Variants in CUL2 observed in about 807,000 individuals in gnomAD.
CUL2 encodes cullin-2.
A neutral mutation model predicts 110.2 loss-of-function variants in CUL2; 22 were observed. That is an observed-to-expected ratio of 0.20 (90% CI 0.14 to 0.28). The LOEUF (loss-of-function observed/expected upper bound fraction) is 0.28. Among genes scored for constraint, CUL2 ranks in the 10% least tolerant of loss-of-function variants. The probability of loss-of-function intolerance (pLI) is 1.00; values close to 1 mark genes in which losing one functional copy is unlikely to be tolerated. For synonymous variants in CUL2, 279 were observed against 293.2 expected (o/e 0.95, Z 0.49); for missense variants, 631 against 905.5 (o/e 0.70, Z 3.89).
upstream of CUL2, chr10:35,126,802 C>A (rs1037301240): frequency 3.3e-5 from 5 of 152,320 alleles, no homozygotes; most frequent in Non-Finnish European, 7.3e-5. Context: ...TAGGCCCCGC[C>A]CCCTGACCCG....
intron 6 of CUL2, among the ~76,000 whole-genome samples, chr10:35,046,049 C>T (rs2085930294): frequency 6.6e-6 from 1 of 152,188 alleles, no homozygotes; most frequent in African/African-American, 2.4e-5. Context: ...TACTAGAGTC[C>T]TTCCCTGCCT....
rs780028780 is a variant in CUL2, at chr10:35,110,774, CCT to C, written c.-50-9716_-50-9715del. On this transcript the variant is annotated intron_variant, in intron 1 of 5. Transcript: ENST00000685421. Reference sequence around the variant, plus strand: ...TGTGTGCATGCATCCCTCGTATCCCCCTCTTATAATTACACCAGTCATATGGG... The same window carrying C: ...TGTGTGCATGCATCCCTCGTATCCCCCTTATAATTACACCAGTCATATGGG... Among the ~76,000 whole-genome samples, 8 of 152,164 alleles carry C rather than the reference CCT, an allele frequency of 5.3e-5. No homozygotes were observed. In the South Asian group the frequency reaches 1.7e-3, roughly 32 times the overall value.
rs145520682 is a variant in CUL2 at position 35,038,397 on chromosome 10, G to A, written c.877+523C>T. On this transcript the variant is annotated intron_variant, in intron 9 of 20. Transcript: ENST00000374749. ...AAAAATTAGCCAGGTGTGGTGATGA[G>A]CGCCTGTAATCCCAGCTACTCAGGA... is the stretch of plus-strand genomic sequence containing the variant. Among the ~76,000 whole-genome samples, 671 of 149,744 alleles carry A rather than the reference G, an allele frequency of 4.5e-3. 7 individuals are homozygous for A. Among genetic ancestry groups the A allele is most frequent in the African/African-American group, 0.015 (620 of 40,864 alleles).
At chr10:35,062,307 G>GC (rs1321732359) in intron 3 of CUL2, among the ~76,000 whole-genome samples, 1 of 152,016 alleles carries the variant, frequency 6.6e-6, no homozygotes, top group African/African-American at 2.4e-5. Flanking sequence ...ATTTTGGGAA[G>GC]ACTTCATATA....
intron 17 of CUL2, among the ~76,000 whole-genome samples, chr10:35,023,315 G>A (rs997037125): frequency 1.3e-5 from 2 of 151,994 alleles, no homozygotes; most frequent in Admixed American, 6.6e-5. Flanking sequence ...AGTACCTTCG[G>A]TGACTCAAAA....
chr10:35,064,176 A>G (rs1206581971), intron 2 of CUL2: 1 of 152,212 alleles, frequency 6.6e-6, no homozygotes, highest in Non-Finnish European at 1.5e-5. Context: ...ATGTTAAAGT[A>G]CTTTATAAAC....
chr10:35,027,210 A>T (rs12263773), intron 16 of CUL2, among the ~76,000 whole-genome samples: 54,184 of 149,742 alleles, frequency 0.36, 9,889 homozygotes, highest in African/African-American at 0.4. Flanking sequence ...AGTGGCGCAA[A>T]CTCGGCTCAC....
chr10:35,017,460 G>A (rs745365979), intron 17 of CUL2, among the ~76,000 whole-genome samples: 8 of 152,112 alleles, frequency 5.3e-5, no homozygotes, highest in African/African-American at 9.7e-5. Context: ...TTGAAAGGCC[G>A]AGGTGGGCAG....
chr10:35,096,804 G>A (rs950982597), intron 2 of CUL2, among the ~76,000 whole-genome samples: 58 of 145,890 alleles, frequency 4.0e-4, no homozygotes, highest in African/African-American at 1.4e-3. Context: ...GTAGCTTCAG[G>A]TCCACTTTTT....
At chr10:35,015,993 C>T (rs568139158) in intron 18 of CUL2, among the ~76,000 whole-genome samples, 199 bp downstream of exon 18, 32 of 152,272 alleles carry the variant, frequency 2.1e-4, no homozygotes, top group African/African-American at 7.7e-4. Context: ...AAACTATAAA[C>T]GGCACATGGC....
intron 11 of CUL2, 68 bp from the exon 12 acceptor site, chr10:35,032,562 G>T: frequency 8.0e-7 from 1 of 1,244,130 alleles, no homozygotes; most frequent in Non-Finnish European, 1.1e-6. Context: ...TTCAATATAA[G>T]CCATAATCTG....
At position 35,113,408 on chromosome 10, in the gene CUL2, G is replaced by A. The variant is rs1482240035; in HGVS notation, c.-50-12348C>T. Among the ~76,000 whole-genome samples the A allele has an allele frequency of 6.7e-5, 9 of 134,614 alleles. No individual in the cohort carries two copies. The East Asian group carries it at 7.6e-4, about 11-fold the overall frequency. 88.3% of individuals were successfully genotyped at this position (134,614 alleles called of 152,430 possible). On this transcript the variant is annotated intron_variant, in intron 1 of 5. Coordinates refer to the CUL2 transcript ENST00000685421. ...AGCTACTCGGGAGGCTGGGGCAGTA[G>A]AATTGCTTGAACCTGGGAGGTGGAG... is the stretch of plus-strand genomic sequence containing the variant.
rs547763317 is a variant in CUL2 at position 35,016,817 on chromosome 10, C to A, written c.1685-423G>T. ...TGGCTCATGCTTGTAATCCTAGCCA[C>A]TTGGGAGGCTGAGGCAGGAAAATCA... is the stretch of plus-strand genomic sequence containing the variant. On this transcript the variant is annotated intron_variant, in intron 17 of 20. Transcript: ENST00000374749. Among the ~76,000 whole-genome samples, 124 of 150,874 alleles carry A rather than the reference C, an allele frequency of 8.2e-4. 3 individuals are homozygous for A. The South Asian group carries it at 0.026, about 31-fold the overall frequency.
At chr10:35,037,430 A>G (rs924356516) in intron 9 of CUL2, among the ~76,000 whole-genome samples, 3 of 152,230 alleles carry the variant, frequency 2.0e-5, no homozygotes, top group African/African-American at 4.8e-5. Context: ...AGGTTTTACA[A>G]TAAGTCTTGC....
chr10:35,010,230 C>T lies in CUL2; in HGVS notation c.*81G>A, dbSNP rs1203393939. The stretch of plus-strand genomic sequence containing the variant: ...CTGCCAAATGACCAAATTATGGAGG[C>T]ACAGTCCTGCTTTTTCCCACAGGAA... On this transcript the variant is annotated 3_prime_UTR_variant, in exon 21 of 21. Transcript: ENST00000374749. 3 of 1,393,940 alleles carry T rather than the reference C, an allele frequency of 2.2e-6. No homozygotes were observed. The highest frequency in any genetic ancestry group is 1.9e-6 in the Non-Finnish European group (2 of 1,058,504). The allele number at this position is 1,393,940 out of a possible 1,614,324, so 86.3% of individuals were successfully genotyped here.
Position 35,031,700 on chromosome 10 carries a change from A to G in CUL2, c.1171-81T>C. ...CTCAAAGGAGGCAAAGTGGTGATACAAGGTAAGATCAGCGGACAGAATTTT... is the reference window on the plus strand; with the variant it reads ...CTCAAAGGAGGCAAAGTGGTGATACGAGGTAAGATCAGCGGACAGAATTTT... On this transcript the variant is annotated intron_variant, in intron 12 of 20. Coordinates refer to ENST00000374749, the MANE Select transcript of CUL2 (RefSeq NM_003591.4). This position sits in a 1 kb window ranked among gnomAD's most constrained non-coding sequence, Gnocchi z 4.4. 6.7e-7 allele frequency: 1 copy of G among 1,484,074 alleles called. No homozygotes were observed. Among genetic ancestry groups the G allele is most frequent in the African/African-American group, 1.4e-5 (1 of 71,958 alleles). 91.9% of individuals were successfully genotyped at this position (1,484,074 alleles called of 1,614,324 possible). A position where few individuals can be genotyped will look rare whatever the true frequency, so the allele number is the denominator to read the frequency against.
upstream of CUL2, among the ~76,000 whole-genome samples, chr10:35,093,517 G>A (rs182401950): frequency 1.5e-4 from 23 of 151,892 alleles, no homozygotes; most frequent in African/African-American, 5.3e-4. Context: ...AATTTAGCCA[G>A]GCATGGTGGT....
chr10:35,026,787 G>A (rs2085345623), intron 16 of CUL2, among the ~76,000 whole-genome samples: 1 of 152,028 alleles, frequency 6.6e-6, no homozygotes, highest in Non-Finnish European at 1.5e-5. Context: ...TGTTAGCAAA[G>A]CTTATTAGTA....
At chr10:35,071,887 AT>A (rs2086691118) in intron 1 of CUL2, among the ~76,000 whole-genome samples, 1 of 152,202 alleles carries the variant, frequency 6.6e-6, no homozygotes, top group Non-Finnish European at 1.5e-5. Flanking sequence ...TCTAGTACAA[AT>A]TATTTATGAT....
Sources: allele counts gnomAD v4.1 joint callset (sites outside exome capture counted in the v4.1 genomes callset), GRCh38; gene constraint gnomAD v4.1.1; non-coding constraint Gnocchi (gnomAD v3.1); transcripts MANE v1.5; gene names NCBI Gene and HGNC (gene_info 2026-07-23, HGNC 2026-07-21).